TRPM2: variants seen among roughly 807,000 people sequenced by gnomAD.
The protein encoded by TRPM2 is estrogen-responsive element-associated gene 1 protein.
In TRPM2, 161 loss-of-function variants were observed where a neutral mutation model predicts 174.0. The ratio of observed to expected loss-of-function variants is 0.93; its 90% CI spans 0.81 to 1.05. The LOEUF (loss-of-function observed/expected upper bound fraction) is 1.05. Ranked by LOEUF, TRPM2 falls within the 50% of genes least tolerant of loss-of-function variation. TRPM2 has a pLI of 0.00. For missense variants in TRPM2, 2,057 were observed against 2,038.0 expected (o/e 1.01, Z -0.18); for synonymous variants, 954 against 861.3 (o/e 1.11, Z -1.88).
In TRPM2 at chr21:44,395,428, C is replaced by A. The variant is rs767233061; in HGVS notation, c.1809C>A (p.Ser603Arg). The A allele has an allele frequency of 5.6e-6, 9 of 1,612,570 alleles. No individual in the cohort carries two copies. The highest frequency in any genetic ancestry group is 7.6e-6 in the Non-Finnish European group (9 of 1,179,910). ...CTGCTCACCAGGTGCAGGGAGTGAG[C>A]CTCCGGTCCCTCTACAAGCGTTCCT... Reference protein sequence around the residue: ...PHVKLNVQGVSLRSLYKRSSG... With the variant: ...PHVKLNVQGVRLRSLYKRSSG... Residue 603 changes from serine (S) to arginine (R), a missense_variant, in exon 12 of 32, where the codon AGC becomes AGA. Transcript: ENST00000397928.
chr21:44,400,003 G>A (rs1320037405), intron 14 of TRPM2, among the ~76,000 whole-genome samples: 1 of 152,200 alleles, frequency 6.6e-6, no homozygotes, highest in African/African-American at 2.4e-5. Flanking sequence ...AGCTCAGAGG[G>A]GCCAGTGCTC....
At chr21:44,397,061 C>T (rs1035900308) in intron 12 of TRPM2, among the ~76,000 whole-genome samples, 194 of 149,078 alleles carry the variant, frequency 1.3e-3, no homozygotes, top group African/African-American at 3.9e-3. Flanking sequence ...TTTTTTGAGA[C>T]GGAGTCTTGC....
At chr21:44,419,053 A>T (rs2050416695) in intron 22 of TRPM2, among the ~76,000 whole-genome samples, 1 of 152,182 alleles carries the variant, frequency 6.6e-6, no homozygotes. Flanking sequence ...TGTTGGGGGA[A>T]CATCTGCTCC....
chr21:44,357,600 G>A (rs560231246), intron 2 of TRPM2, among the ~76,000 whole-genome samples: 11 of 152,326 alleles, frequency 7.2e-5, no homozygotes, highest in African/African-American at 2.4e-4. Flanking sequence ...AAGCCCATTC[G>A]AGGCTCAGAG....
intron 22 of TRPM2, among the ~76,000 whole-genome samples, chr21:44,421,565 G>A (rs2050551779): frequency 6.6e-6 from 1 of 152,072 alleles, no homozygotes; most frequent in South Asian, 2.1e-4. Flanking sequence ...GAGCCCAGGA[G>A]TTCAAGACCA....
chr21:44,350,978 C>T (rs2047918956), upstream of TRPM2, among the ~76,000 whole-genome samples: 1 of 152,162 alleles, frequency 6.6e-6, no homozygotes, highest in Non-Finnish European at 1.5e-5. Context: ...GAAGCGCTGG[C>T]TTTCACGCGG....
chr21:44,406,973 C>A (rs1601175539), intron 19 of TRPM2, among the ~76,000 whole-genome samples: 1 of 149,844 alleles, frequency 6.7e-6, no homozygotes, highest in South Asian at 2.1e-4. Flanking sequence ...AGGAGGGGGG[C>A]CTGGTGGGGG....
At position 44,413,938 on chromosome 21, in the gene TRPM2, T is replaced by TA. The variant is rs751910157; in HGVS notation, c.3011dup (p.Tyr1004Ter). The TA allele has an allele frequency of 3.1e-5, 50 of 1,613,974 alleles. No individual in the cohort carries two copies. The Admixed American group carries it at 8.3e-4, about 27-fold the overall frequency. ...CTGCAGCCCCAATGGCACCGACCCC[T>TA]ACAAGCCTAAGTGCCCCGAGAGCGA... ...EHCSPNGTDP[Y>*]KPKCPESDAT... Residue 1004 changes from tyrosine (Y) to a stop codon, truncating the protein, a stop_gained and frameshift_variant, in exon 20 of 32, where the codon TAC becomes TAAC. Transcript: ENST00000397928. LOFTEE classifies it high-confidence loss of function.
At chr21:44,420,438 A>G (rs1399809662) in intron 22 of TRPM2, among the ~76,000 whole-genome samples, 1 of 152,186 alleles carries the variant, frequency 6.6e-6, no homozygotes, top group African/African-American at 2.4e-5. Flanking sequence ...CACTGAGGAA[A>G]TCCTATGCAA....
At chr21:44,351,447 G>A (rs952385728), upstream of TRPM2, among the ~76,000 whole-genome samples, 1 of 152,206 alleles carries the variant, frequency 6.6e-6, no homozygotes. Context: ...GCCTTGCCTT[G>A]CTCAGGCCTG....
chr21:44,401,657 T>C (rs2049620356), intron 15 of TRPM2, 24 bp from the exon 16 acceptor site: 1 of 1,609,486 alleles, frequency 6.2e-7, no homozygotes, highest in African/African-American at 1.3e-5. Flanking sequence ...GGTCACTGTC[T>C]CCTCTCTGCT....
chr21:44,435,552 T>C (rs72497620), intron 28 of TRPM2, among the ~76,000 whole-genome samples: 7,007 of 123,046 alleles, frequency 0.057, 309 homozygotes, highest in African/African-American at 0.14. Context: ...CACTCCTCCA[T>C]TCCCATCCAC....
rs1366031735 is a variant in TRPM2, at chr21:44,417,919, C to T, written c.3147-8C>T. The T allele has an allele frequency of 6.2e-7, 1 of 1,607,942 alleles. No individual in the cohort carries two copies. Among genetic ancestry groups the T allele is most frequent in the Non-Finnish European group, 8.5e-7 (1 of 1,177,362 alleles). ...GACCTCGAGGTGTTGCTTTCTCCTC[C>T]CTGACAGCTACACCTTCCAGCAGGT... On this transcript the variant is annotated splice_region_variant and splice_polypyrimidine_tract_variant and intron_variant, in intron 20 of 31. Coordinates refer to ENST00000397928, the MANE Select transcript of TRPM2 (RefSeq NM_003307.4).
rs549038769 is a variant in TRPM2 at position 44,406,848 on chromosome 21, T to C, written c.2962+83T>C. 7.5e-5 allele frequency: 113 copies of C among 1,509,200 alleles called. No homozygotes were observed. In the African/African-American group the frequency reaches 1.5e-3, roughly 19 times the overall value. 93.5% of individuals were successfully genotyped at this position (1,509,200 alleles called of 1,614,324 possible). On this transcript the variant is annotated intron_variant, in intron 19 of 31. Coordinates refer to ENST00000397928, the MANE Select transcript of TRPM2 (RefSeq NM_003307.4). ...TGGAAAGGGGCCGCATGAGTGGGAGTGAGGCCGGCTCCATCAGGGGGTCCT... is the reference window on the plus strand; with the variant it reads ...TGGAAAGGGGCCGCATGAGTGGGAGCGAGGCCGGCTCCATCAGGGGGTCCT...
intron 27 of TRPM2, among the ~76,000 whole-genome samples, chr21:44,434,446 G>C (rs913018496): frequency 6.6e-6 from 1 of 152,062 alleles, no homozygotes; most frequent in African/African-American, 2.4e-5. Context: ...CTATGGCGGG[G>C]ATGCTGCTGG....
At chr21:44,378,825 TC>T (rs1328688896) in intron 7 of TRPM2, among the ~76,000 whole-genome samples, 171 bp from the exon 8 acceptor site, 2 of 152,134 alleles carry the variant, frequency 1.3e-5, no homozygotes, top group Non-Finnish European at 2.9e-5. Flanking sequence ...TTGGGGCAGC[TC>T]CCTCTTCCCC....
chr21:44,432,917 C>T lies in TRPM2; in HGVS notation c.3975-2214C>T, dbSNP rs930749556. On this transcript the variant is annotated intron_variant, in intron 27 of 31. Transcript: ENST00000397928. This position sits in a 1 kb window ranked among gnomAD's most constrained non-coding sequence, Gnocchi z 4.9. The stretch of plus-strand genomic sequence containing the variant: ...TATGGACGGGCCTATGCCTTGATGT[C>T]GTGATGGAACTACCGGGCACGTGGC... Among the ~76,000 whole-genome samples, 9 of 152,072 alleles carry T rather than the reference C, an allele frequency of 5.9e-5. No individual in the cohort carries two copies. The highest frequency in any genetic ancestry group is 1.0e-4 in the Non-Finnish European group (7 of 68,026).
Position 44,391,106 on chromosome 21 carries a change from C to G in TRPM2, c.1440+81C>G. The stretch of plus-strand genomic sequence containing the variant: ...CACTGAAGCAAGGGCAGGCAAAGTT[C>G]GCATTGTCTGGATCCCAGCCCTTCC... On this transcript the variant is annotated intron_variant, in intron 10 of 31. Transcript: ENST00000397928. This position sits in a 1 kb window ranked among gnomAD's most constrained non-coding sequence, Gnocchi z 5.0. The G allele has an allele frequency of 6.3e-7, 1 of 1,597,218 alleles. No individual in the cohort carries two copies.
At chr21:44,418,674 G>C in intron 22 of TRPM2, 119 bp downstream of exon 22, 1 of 1,300,320 alleles carries the variant, frequency 7.7e-7, no homozygotes, top group Non-Finnish European at 1.1e-6. Flanking sequence ...ACCGGTGAGG[G>C]AGCGCTGTAT....
Sources: gnomAD v4.1 joint callset for allele counts (sites outside exome capture counted in the v4.1 genomes callset) on GRCh38, gnomAD v4.1.1 for gene constraint, Gnocchi (gnomAD v3.1) non-coding constraint, MANE v1.5 for transcripts, NCBI Gene and HGNC (gene_info 2026-07-23, HGNC 2026-07-21) for gene names.